Variants in SUCLG1 observed in about 807,000 individuals in gnomAD.
The protein encoded by SUCLG1 is succinate--CoA ligase [ADP/GDP-forming] subunit alpha, mitochondrial.
In SUCLG1, 26 loss-of-function variants were observed where a neutral mutation model predicts 37.3. The ratio of observed to expected loss-of-function variants is 0.70; its 90% CI spans 0.51 to 0.97. The LOEUF is 0.97. Among genes scored for constraint, SUCLG1 ranks in the 50% least tolerant of loss-of-function variants. The pLI is 0.00. For synonymous variants in SUCLG1, 163 were observed against 155.6 expected (o/e 1.05, Z -0.36); for missense variants, 433 against 432.9 (o/e 1.00, Z 0.00).
At chr2:84,453,897 G>A (rs190221398) in intron 1 of SUCLG1, among the ~76,000 whole-genome samples, 5 of 152,204 alleles carry the variant, frequency 3.3e-5, no homozygotes, top group South Asian at 4.1e-4. Context: ...GAACATCATC[G>A]CAGGAATCAG....
chr2:84,425,630 C>T, intron 7 of SUCLG1, 27 bp from the exon 8 acceptor site: 1 of 1,613,152 alleles, frequency 6.2e-7, no homozygotes, highest in Non-Finnish European at 8.5e-7. Context: ...ATTTTAAATG[C>T]TCTAATGAAG....
At chr2:84,434,963 C>A (rs777940124) in intron 5 of SUCLG1, among the ~76,000 whole-genome samples, 8 of 152,204 alleles carry the variant, frequency 5.3e-5, no homozygotes, top group South Asian at 2.1e-4. Flanking sequence ...GCAGACCCTA[C>A]AGAACACTGT....
At chr2:84,425,632 C>G in intron 7 of SUCLG1, 29 bp from the exon 8 acceptor site, 1 of 1,613,010 alleles carries the variant, frequency 6.2e-7, no homozygotes. Context: ...TTTAAATGCT[C>G]TAATGAAGAA....
rs1327427125 is a variant in SUCLG1 at position 84,431,541 on chromosome 2, C to A, written c.792G>T (p.Glu264Asp). The change falls in exon 7 of 9, where the codon GAG (glutamate) becomes GAT (aspartate). Residue 264 changes from glutamate to aspartate, a missense_variant. Glu to Asp is a conservative substitution (Grantham distance 45). Transcript: ENST00000393868. ...GTTGCTTCAAAAATTCTGCAGCATT[C>A]TCTTCTGCATTACCACCAATTTCAC... ...LIGEIGGNAEENAAEFLKQHN... is the reference protein window; with the variant it reads ...LIGEIGGNAEDNAAEFLKQHN... 6.2e-7 allele frequency: 1 copy of A among 1,613,926 alleles called. No individual in the cohort carries two copies. The highest frequency in any genetic ancestry group is 8.5e-7 in the Non-Finnish European group (1 of 1,179,936).
intron 5 of SUCLG1, among the ~76,000 whole-genome samples, chr2:84,434,657 G>C (rs1672658772): frequency 6.6e-6 from 1 of 152,186 alleles, no homozygotes; most frequent in African/African-American, 2.4e-5. Flanking sequence ...CAACTCTGAA[G>C]AACTCAGAAG....
In SUCLG1 at chr2:84,438,819, T is replaced by C. The variant is rs183059953; in HGVS notation, c.589+2228A>G. 2.7e-3 allele frequency among the ~76,000 whole-genome samples: 406 copies of C among 152,322 alleles called. 8 individuals carry two copies. The highest frequency in any genetic ancestry group is 0.021 in the Admixed American group (326 of 15,300). On this transcript the variant is annotated intron_variant, in intron 5 of 8. Coordinates refer to ENST00000393868, the MANE Select transcript of SUCLG1 (RefSeq NM_003849.4). ...GTAAAACGCACCAATCAGCGCTCTG[T>C]AGCTAGCTAGAAGTTTGTAAAATGC...
intron 3 of SUCLG1, among the ~76,000 whole-genome samples, chr2:84,442,846 C>A (rs962132793): frequency 6.6e-6 from 1 of 152,148 alleles, no homozygotes; most frequent in Admixed American, 6.5e-5. Context: ...AGATCTCTAA[C>A]CTCTTTGCAC....
intron 2 of SUCLG1, among the ~76,000 whole-genome samples, chr2:84,443,973 A>G (rs1672811463): frequency 6.6e-6 from 1 of 152,162 alleles, no homozygotes; most frequent in Non-Finnish European, 1.5e-5. Flanking sequence ...AGCATTATTG[A>G]CATTTTGGAC....
In SUCLG1 at chr2:84,450,034, T is replaced by A. The variant is rs535363503; in HGVS notation, c.98-282A>T. Among the ~76,000 whole-genome samples, 160 of 152,240 alleles carry A rather than the reference T, an allele frequency of 1.1e-3. 5 individuals are homozygous for A. The South Asian group carries it at 0.032, about 30-fold the overall frequency. ...CTGAGGGAAAAAAAAGCAATGTTTA[T>A]CATTTTTATTTCCTAGAAAAAAACT... On this transcript the variant is annotated intron_variant, in intron 1 of 8. Transcript: ENST00000393868.
rs202043159 is a variant in SUCLG1, at chr2:84,452,722, ACTG to A, written c.98-2973_98-2971del. On this transcript the variant is annotated intron_variant, in intron 1 of 8. Coordinates refer to ENST00000393868, the MANE Select transcript of SUCLG1 (RefSeq NM_003849.4). ...CAAGTACCATCTAAATACTTTTCCC[ACTG>A]CTAACTGTAAACTCCATGAGTGTCA... Among the ~76,000 whole-genome samples the A allele has an allele frequency of 2.0e-5, 3 of 152,164 alleles. No homozygotes were observed. The East Asian group carries it at 5.8e-4, about 29-fold the overall frequency.
chr2:84,427,751 T>C (rs1313691152), intron 7 of SUCLG1, among the ~76,000 whole-genome samples: 2 of 152,260 alleles, frequency 1.3e-5, no homozygotes, highest in African/African-American at 4.8e-5. Flanking sequence ...CCAGTCATTC[T>C]TTCAAGTAAA....
intron 3 of SUCLG1, 58 bp from the exon 4 acceptor site, chr2:84,441,517 A>T: frequency 1.3e-6 from 2 of 1,525,902 alleles, no homozygotes; most frequent in South Asian, 2.3e-5. Flanking sequence ...ATTGTAAAAT[A>T]AATTCAATAC....
intron 7 of SUCLG1, 47 bp downstream of exon 7, chr2:84,431,461 T>A (rs777009364): frequency 1.2e-6 from 2 of 1,609,000 alleles, no homozygotes. Context: ...GAAACAAGCC[T>A]CTGATATTAA....
At chr2:84,434,746 G>A (rs1248485076) in intron 5 of SUCLG1, among the ~76,000 whole-genome samples, 5 of 151,798 alleles carry the variant, frequency 3.3e-5, no homozygotes, top group African/African-American at 1.2e-4. Flanking sequence ...ATAACTATAA[G>A]TTACCTCAAC....
chr2:84,423,761 CT>C lies in SUCLG1; in HGVS notation c.1025del (p.Lys342ArgfsTer33). The part of the protein sequence containing the change: ...LGTTIYKEFE[K>X]RKML ...TTTTTTTCTTTCATAGCATCTTCCT[CT>C]TTTCAAATTCCTTCAGAAACAGAAG... On this transcript the variant is annotated frameshift_variant, in exon 9 of 9. Transcript: ENST00000393868. LOFTEE classifies it high-confidence loss of function. 6.2e-7 allele frequency: 1 copy of C among 1,606,190 alleles called. No individual in the cohort carries two copies. The highest frequency in any genetic ancestry group is 8.5e-7 in the Non-Finnish European group (1 of 1,175,408).
intron 2 of SUCLG1, among the ~76,000 whole-genome samples, chr2:84,448,267 C>T (rs939454717): frequency 2.6e-5 from 4 of 151,760 alleles, no homozygotes; most frequent in African/African-American, 9.7e-5. Context: ...GGCCCACTAC[C>T]TGGTTTTGTA....
rs757286538 is a variant in SUCLG1, at chr2:84,425,614, A to G, written c.826-11T>C. 9 of 1,614,044 alleles carry G rather than the reference A, an allele frequency of 5.6e-6. No homozygotes were observed. The African/African-American group carries it at 1.1e-4, about 19-fold the overall frequency. ...CTTGGAATTTGGACCCTAGAAAGAA[A>G]GTAATATTTTAAATGCTCTAATGAA... On this transcript the variant is annotated splice_polypyrimidine_tract_variant and intron_variant, in intron 7 of 8. Coordinates refer to ENST00000393868, the MANE Select transcript of SUCLG1 (RefSeq NM_003849.4).
intron 5 of SUCLG1, chr2:84,433,664 AG>A: frequency 1.8e-6 from 1 of 548,586 alleles, no homozygotes; most frequent in Admixed American, 3.1e-5. Flanking sequence ...TTATTAGTTA[AG>A]GTTATTTTAT....
At position 84,423,699 on chromosome 2, in the gene SUCLG1, C is replaced by T. The variant is rs1672490458; in HGVS notation, c.*47G>A. ...ACAGAAGCAAACTGCTGCTGGGTTA[C>T]ATGTCTACGTGATCCATTCCACAGT... On this transcript the variant is annotated 3_prime_UTR_variant, in exon 9 of 9. Coordinates refer to ENST00000393868, the MANE Select transcript of SUCLG1 (RefSeq NM_003849.4). 1 of 1,565,890 alleles carries T rather than the reference C, an allele frequency of 6.4e-7. No homozygotes were observed. Among genetic ancestry groups the T allele is most frequent in the East Asian group, 2.3e-5 (1 of 44,382 alleles).
Sources: allele counts gnomAD v4.1 joint callset (sites outside exome capture counted in the v4.1 genomes callset), GRCh38; gene constraint gnomAD v4.1.1; transcripts MANE v1.5; gene names NCBI Gene and HGNC (gene_info 2026-07-23, HGNC 2026-07-21).